The following TSPAN7 variants were observed in gnomAD, a reference collection of about 807,000 sequenced individuals.
The protein encoded by TSPAN7 is tetraspanin-7.
In TSPAN7, 1 loss-of-function variant was observed where a neutral mutation model predicts 17.6. That is an observed-to-expected ratio of 0.06 (90% confidence interval 0.02 to 0.27). TSPAN7 has a LOEUF of 0.27. Among genes scored for constraint, TSPAN7 ranks in the 10% least tolerant of loss-of-function variants. The pLI, the probability that TSPAN7 is intolerant of heterozygous loss-of-function variation, is 1.00. For synonymous variants in TSPAN7, 78 were observed against 79.0 expected, an observed-to-expected ratio of 0.99 and a Z score of 0.07; for missense variants, 112 against 201.7, an observed-to-expected ratio of 0.56 and a Z score of 2.69.
intron 1 of TSPAN7, among the ~76,000 whole-genome samples, chrX:38,592,165 C>T (rs962432791): frequency 7.2e-5 from 8 of 111,664 alleles, no homozygotes; most frequent in Non-Finnish European, 1.1e-4. Flanking sequence ...GATCCAGTCA[C>T]CCCCTGTCAG....
In TSPAN7 at chrX:38,583,672, G is replaced by A. The variant is rs760415748; in HGVS notation, c.81+22045G>A. On this transcript the variant is annotated intron_variant, in intron 1 of 7. Coordinates refer to ENST00000378482, the MANE Select transcript of TSPAN7 (RefSeq NM_004615.4). ...GAGTCATCACAGAAGGCCTCTCTGA[G>A]GAGTTGACATTTGAGCTGAGTACTG... 1.2e-3 allele frequency among the ~76,000 whole-genome samples: 135 copies of A among 111,840 alleles called. 1 individual carries two copies. Among genetic ancestry groups the A allele is most frequent in the Non-Finnish European group, 1.9e-3 (100 of 53,184 alleles).
intron 6 of TSPAN7, among the ~76,000 whole-genome samples, chrX:38,683,848 T>C (rs1304136095): frequency 1.8e-5 from 2 of 113,243 alleles, no homozygotes; most frequent in East Asian, 5.5e-4. Flanking sequence ...TTTGGCTACA[T>C]GTGTTCAGAA....
intron 1 of TSPAN7, chrX:38,612,478 T>C (rs1009755662): frequency 7.1e-5 from 8 of 112,045 alleles, no homozygotes; most frequent in African/African-American, 2.6e-4. Flanking sequence ...AAGTTCTCAG[T>C]GTGCCCCTCT....
At chrX:38,648,227 C>T (rs2069655727) in intron 1 of TSPAN7, among the ~76,000 whole-genome samples, 2 of 112,145 alleles carry the variant, frequency 1.8e-5, no homozygotes, top group South Asian at 3.7e-4. Context: ...TGCATAAAAT[C>T]CAAGAGCCAT....
At chrX:38,665,975 C>A in intron 1 of TSPAN7, 146 bp from the exon 2 acceptor site, 1 of 531,813 alleles carries the variant, frequency 1.9e-6, no homozygotes, top group Non-Finnish European at 3.2e-6. Flanking sequence ...AGTTAACACT[C>A]TCTGACATTT....
At chrX:38,661,651 G>A (rs1304275202) in intron 1 of TSPAN7, among the ~76,000 whole-genome samples, 3 of 111,453 alleles carry the variant, frequency 2.7e-5, no homozygotes, top group Non-Finnish European at 5.6e-5. Flanking sequence ...TCTCCTCCCC[G>A]AACCACAGCG....
intron 1 of TSPAN7, among the ~76,000 whole-genome samples, chrX:38,661,785 G>C (rs1034132036): frequency 1.3e-4 from 14 of 110,849 alleles, no homozygotes; most frequent in African/African-American, 4.6e-4. Flanking sequence ...AATTGCTTTG[G>C]TGAACTCCGA....
At chrX:38,582,426 GTCCCAGA>G (rs748977911) in intron 1 of TSPAN7, among the ~76,000 whole-genome samples, 4 of 112,007 alleles carry the variant, frequency 3.6e-5, no homozygotes, top group African/African-American at 1.3e-4. Flanking sequence ...CCATTCTCCT[GTCCCAGA>G]TCTATCAAGT....
chrX:38,623,081 C>T (rs1185535204), intron 1 of TSPAN7: 1 of 329,236 alleles, frequency 3.0e-6, no homozygotes, highest in Non-Finnish European at 5.9e-6. Context: ...TTTATCTGTA[C>T]AGTTGAAGCT....
chrX:38,657,505 G>A (rs2069711550), intron 1 of TSPAN7, among the ~76,000 whole-genome samples: 1 of 111,919 alleles, frequency 8.9e-6, no homozygotes, highest in Admixed American at 9.5e-5. Context: ...CCCAGGATGA[G>A]TACAGAGCCC....
chrX:38,564,350 A>G (rs1260143213), intron 1 of TSPAN7, among the ~76,000 whole-genome samples: 1 of 112,214 alleles, frequency 8.9e-6, no homozygotes, highest in African/African-American at 3.2e-5. Context: ...ATAATATTCC[A>G]TTGAATGATT....
chrX:38,581,532 C>T (rs919347127), intron 1 of TSPAN7, among the ~76,000 whole-genome samples: 6 of 111,619 alleles, frequency 5.4e-5, no homozygotes, highest in African/African-American at 2.0e-4. Context: ...CACTGGGTCC[C>T]TCCCACGACA....
At chrX:38,651,187 C>T (rs925733325) in intron 1 of TSPAN7, among the ~76,000 whole-genome samples, 1 of 110,674 alleles carries the variant, frequency 9.0e-6, no homozygotes, top group Non-Finnish European at 1.9e-5. Flanking sequence ...CAGTAATGGC[C>T]GGATGCGGTG....
intron 1 of TSPAN7, among the ~76,000 whole-genome samples, chrX:38,566,782 A>G (rs1420198718): frequency 8.9e-6 from 1 of 112,060 alleles, no homozygotes; most frequent in Non-Finnish European, 1.9e-5. Flanking sequence ...CAACCAATGT[A>G]ACTGTTTCAA....
chrX:38,571,498 C>T (rs143866817), intron 1 of TSPAN7, among the ~76,000 whole-genome samples: 1,224 of 111,054 alleles, frequency 0.011, 21 homozygotes, highest in African/African-American at 0.038. Flanking sequence ...CAGGTAGCTA[C>T]GGAGTATCTA....
At chrX:38,646,386 T>A in intron 1 of TSPAN7, 1 of 982,272 alleles carries the variant, frequency 1.0e-6, no homozygotes, top group Non-Finnish European at 1.4e-6. Flanking sequence ...GTGAAGGTAG[T>A]GTTTGTTTTT....
chrX:38,668,282 A>G (rs1431371195), intron 2 of TSPAN7, among the ~76,000 whole-genome samples: 2 of 111,866 alleles, frequency 1.8e-5, no homozygotes, highest in Admixed American at 1.9e-4. Flanking sequence ...TTTATGTTCT[A>G]ATTCTCAATT....
At chrX:38,656,950 A>C (rs910495166) in intron 1 of TSPAN7, among the ~76,000 whole-genome samples, 1 of 112,479 alleles carries the variant, frequency 8.9e-6, no homozygotes, top group Admixed American at 9.4e-5. Context: ...TCTCTGATGT[A>C]ATAGAACATT....
At position 38,611,353 on chromosome X, in the gene TSPAN7, C is replaced by T. The variant is rs182124841; in HGVS notation, c.81+49726C>T. Among the ~76,000 whole-genome samples, 534 of 111,868 alleles carry T rather than the reference C, an allele frequency of 4.8e-3. 1 individual carries two copies. Among genetic ancestry groups the T allele is most frequent in the Non-Finnish European group, 7.5e-3 (397 of 53,143 alleles). On this transcript the variant is annotated intron_variant, in intron 1 of 7. Transcript: ENST00000378482. ...TCTGAATCATGCTGGGAAAGTGAAC[C>T]TGTTGTCTGGGGTATTTATTTTGGA... is the stretch of plus-strand genomic sequence containing the variant.
Sources: allele counts gnomAD v4.1 joint callset (sites outside exome capture counted in the v4.1 genomes callset), GRCh38; gene constraint gnomAD v4.1.1; transcripts MANE v1.5; gene names NCBI Gene and HGNC (gene_info 2026-07-23, HGNC 2026-07-21).